The following CRACD variants were observed in gnomAD, a reference collection of about 807,000 sequenced individuals.
CRACD encodes capping protein inhibiting regulator of actin dynamics, also known as capping protein-inhibiting regulator of actin dynamics.
A neutral mutation model predicts 106.8 loss-of-function variants in CRACD; 56 were observed. That is an observed-to-expected ratio of 0.52 (90% CI 0.42 to 0.66). The LOEUF (loss-of-function observed/expected upper bound fraction) is 0.66, where lower values mean the gene tolerates loss of function less well. Among genes scored for constraint, CRACD ranks in the 30% least tolerant of loss-of-function variants. The probability of loss-of-function intolerance (pLI) is 0.00; values close to 1 mark genes in which losing one functional copy is unlikely to be tolerated. For missense variants in CRACD, 1,730 were observed against 1,623.2 expected, an observed-to-expected ratio of 1.07 and a Z score of -1.13; for synonymous variants, 754 against 670.8, an observed-to-expected ratio of 1.12 and a Z score of -1.92.
chr4:56,213,419 C>G (rs543598993), intron 2 of CRACD, among the ~76,000 whole-genome samples: 103 of 152,232 alleles, frequency 6.8e-4, no homozygotes, highest in African/African-American at 2.3e-3. Flanking sequence ...GCACTCCAGC[C>G]TGGGCAACAA....
intron 3 of CRACD, among the ~76,000 whole-genome samples, chr4:56,276,942 A>T (rs1376125367): frequency 6.6e-6 from 1 of 152,232 alleles, no homozygotes; most frequent in Non-Finnish European, 1.5e-5. Flanking sequence ...GGAGTTCTGG[A>T]GAATATGAGC....
intron 8 of CRACD, among the ~76,000 whole-genome samples, chr4:56,319,734 A>G (rs769372122): frequency 3.3e-5 from 5 of 152,198 alleles, no homozygotes; most frequent in Non-Finnish European, 7.3e-5. Flanking sequence ...GTACGCAACC[A>G]TTTTTGGAGA....
rs575241577 is a variant in CRACD at position 56,221,853 on chromosome 4, G to A, written c.-189+42423G>A. 1.1e-3 allele frequency among the ~76,000 whole-genome samples: 173 copies of A among 152,192 alleles called. 1 individual carries two copies. The highest frequency in any genetic ancestry group is 4.1e-3 in the African/African-American group (169 of 41,530). ...CAGTTCACCACCTACTACCTTACCC[G>A]AGCCAGAATGGCTATTATTAAAAAG... On this transcript the variant is annotated intron_variant, in intron 2 of 10. Coordinates refer to ENST00000682029, the MANE Select transcript of CRACD (RefSeq NM_001393381.1).
intron 1 of CRACD, among the ~76,000 whole-genome samples, chr4:56,146,586 T>A (rs1426909142): frequency 7.5e-6 from 1 of 132,636 alleles, no homozygotes; most frequent in Admixed American, 8.8e-5. Context: ...CACCGCCATG[T>A]ATCTCTTTAA....
At chr4:56,114,067 A>G (rs929761740) in intron 1 of CRACD, among the ~76,000 whole-genome samples, 1 of 151,988 alleles carries the variant, frequency 6.6e-6, no homozygotes, top group Non-Finnish European at 1.5e-5. Context: ...AGTGACTTGA[A>G]CAAGTAAGGA....
chr4:56,215,756 T>G (rs1738646174), intron 2 of CRACD, among the ~76,000 whole-genome samples: 1 of 152,248 alleles, frequency 6.6e-6, no homozygotes, highest in South Asian at 2.1e-4. Context: ...CTAAGAGAAT[T>G]GTACCATTCT....
At chr4:56,164,320 G>A (rs201297354) in intron 1 of CRACD, among the ~76,000 whole-genome samples, 1 of 151,766 alleles carries the variant, frequency 6.6e-6, no homozygotes, top group African/African-American at 2.4e-5. Context: ...ATTTTTAGTA[G>A]AGATGAGGTT....
chr4:56,213,333 C>A lies in CRACD; in HGVS notation c.-189+33903C>A, dbSNP rs575685171. Among the ~76,000 whole-genome samples, 6 of 152,264 alleles carry A rather than the reference C, an allele frequency of 3.9e-5. No homozygotes were observed. The South Asian group carries it at 1.2e-3, about 32-fold the overall frequency. ...TAGTGGCGTATGCCTGTAATCCCAGCCACTCAGGAGGCTGAGGCAGGAGAA... is the reference window on the plus strand; with the variant it reads ...TAGTGGCGTATGCCTGTAATCCCAGACACTCAGGAGGCTGAGGCAGGAGAA... On this transcript the variant is annotated intron_variant, in intron 2 of 10. Coordinates refer to ENST00000682029, the MANE Select transcript of CRACD (RefSeq NM_001393381.1).
In CRACD at chr4:56,313,102, G is replaced by C. The variant is rs145502008; in HGVS notation, c.355-95G>C. 4,627 of 1,118,708 alleles carry C rather than the reference G, an allele frequency of 4.1e-3. 10 individuals carry two copies. Among genetic ancestry groups the C allele is most frequent in the Non-Finnish European group, 5.4e-3 (4,139 of 766,346 alleles). 69.3% of individuals were successfully genotyped at this position (1,118,708 alleles called of 1,614,324 possible). A position where few individuals can be genotyped will look rare whatever the true frequency, so the allele number is the denominator to read the frequency against. On this transcript the variant is annotated intron_variant, in intron 6 of 10. Coordinates refer to ENST00000682029, the MANE Select transcript of CRACD (RefSeq NM_001393381.1). ...ACCTGCATTCCCTGGGCCAGGCTGG[G>C]CGAGGCGCACACTGGAACGAGTGCC...
rs1217782291 is a variant in CRACD at position 56,214,675 on chromosome 4, C to A, written c.-189+35245C>A. Among the ~76,000 whole-genome samples the A allele has an allele frequency of 7.8e-4, 55 of 70,214 alleles. 1 individual carries two copies. The highest frequency in any genetic ancestry group is 2.5e-3 in the African/African-American group (47 of 19,150). 46.1% of individuals were successfully genotyped at this position (70,214 alleles called of 152,430 possible). ...ACACTCTCTCTCTCTCTCTCTCTCT[C>A]TCTCTCTATATATATATATATCAAA... On this transcript the variant is annotated intron_variant, in intron 2 of 10. Coordinates refer to ENST00000682029, the MANE Select transcript of CRACD (RefSeq NM_001393381.1).
intron 2 of CRACD, among the ~76,000 whole-genome samples, chr4:56,249,883 A>G (rs1027663772): frequency 6.6e-6 from 1 of 152,172 alleles, no homozygotes; most frequent in Non-Finnish European, 1.5e-5. Context: ...TATTTCCAAC[A>G]TTACTAGTTT....
At chr4:56,257,079 C>CTTTTTTTTT (rs566765737) in intron 2 of CRACD, among the ~76,000 whole-genome samples, 1 of 114,508 alleles carries the variant, frequency 8.7e-6, no homozygotes, top group African/African-American at 3.3e-5. Context: ...TTTTGATGTT[C>CTTTTTTTTT]TTTTTTTTTT....
chr4:56,088,750 C>T (rs1346676874), intron 1 of CRACD, among the ~76,000 whole-genome samples: 2 of 150,156 alleles, frequency 1.3e-5, no homozygotes, highest in African/African-American at 4.9e-5. Context: ...CGGAATCTTG[C>T]TCTGTTGCCC....
chr4:56,207,745 CATAT>C (rs58423475), intron 2 of CRACD, among the ~76,000 whole-genome samples: 3,586 of 106,084 alleles, frequency 0.034, 105 homozygotes, highest in African/African-American at 0.084. Flanking sequence ...CTTGTTTTCT[CATAT>C]ATATATATAT....
At chr4:56,242,040 G>C (rs1202018783) in intron 2 of CRACD, among the ~76,000 whole-genome samples, 2 of 152,064 alleles carry the variant, frequency 1.3e-5, no homozygotes, top group African/African-American at 4.8e-5. Flanking sequence ...ACTTTATTTT[G>C]AATGACAAAG....
At chr4:56,306,605 A>G (rs1201721547) in intron 4 of CRACD, among the ~76,000 whole-genome samples, 1 of 152,216 alleles carries the variant, frequency 6.6e-6, no homozygotes, top group Admixed American at 6.5e-5. Flanking sequence ...TAACCCAAGG[A>G]CCTAGGTCTA....
intron 8 of CRACD, among the ~76,000 whole-genome samples, chr4:56,321,972 G>A (rs966882707): frequency 1.3e-5 from 2 of 152,022 alleles, no homozygotes; most frequent in East Asian, 1.9e-4. Context: ...TTTCATCCTG[G>A]AATACGATAT....
intron 2 of CRACD, among the ~76,000 whole-genome samples, chr4:56,249,937 A>G (rs900515132): frequency 5.9e-5 from 9 of 152,316 alleles, no homozygotes; most frequent in African/African-American, 2.2e-4. Context: ...GAGAGTTAAC[A>G]TTGTTTTCTC....
chr4:56,312,224 G>C (rs188156134), intron 6 of CRACD, among the ~76,000 whole-genome samples: 19 of 152,182 alleles, frequency 1.2e-4, no homozygotes, highest in Non-Finnish European at 2.4e-4. Context: ...GCAGCCTAGC[G>C]ATCTCAGCTC....
Sources: allele counts gnomAD v4.1 joint callset (sites outside exome capture counted in the v4.1 genomes callset), GRCh38; gene constraint gnomAD v4.1.1; transcripts MANE v1.5; gene names NCBI Gene and HGNC (gene_info 2026-07-23, HGNC 2026-07-21).